UBIAD1: variants seen among roughly 807,000 people sequenced by gnomAD.
UBIAD1 encodes the protein UbiA prenyltransferase domain containing 1.
In UBIAD1, 12 loss-of-function variants were observed where a neutral mutation model predicts 20.1. The ratio of observed to expected loss-of-function variants is 0.60; its 90% CI spans 0.38 to 0.97. The LOEUF (loss-of-function observed/expected upper bound fraction) is 0.97. Among genes scored for constraint, UBIAD1 ranks in the 50% least tolerant of loss-of-function variants. UBIAD1 has a pLI of 0.00. For missense variants in UBIAD1, 333 were observed against 419.5 expected, an observed-to-expected ratio of 0.79 and a Z score of 1.80; for synonymous variants, 207 against 189.2, an observed-to-expected ratio of 1.09 and a Z score of -0.77.
chr1:11,283,295 G>A (rs757855053), intron 1 of UBIAD1, among the ~76,000 whole-genome samples: 9 of 152,198 alleles, frequency 5.9e-5, no homozygotes, highest in Non-Finnish European at 1.2e-4. Context: ...GAGAAAACAA[G>A]CACAGCAAGA....
At chr1:11,276,330 T>A (rs1652025618) in intron 1 of UBIAD1, among the ~76,000 whole-genome samples, 1 of 152,104 alleles carries the variant, frequency 6.6e-6, no homozygotes, top group Non-Finnish European at 1.5e-5. Context: ...CAAAGGTTTT[T>A]TTTTTTCTTG....
At chr1:11,275,713 A>G (rs1651998850) in intron 1 of UBIAD1, among the ~76,000 whole-genome samples, 1 of 152,164 alleles carries the variant, frequency 6.6e-6, no homozygotes, top group Non-Finnish European at 1.5e-5. Context: ...ACTGCACTCC[A>G]GCCTGGGCGA....
chr1:11,278,571 G>A (rs1216747759), intron 1 of UBIAD1: 1 of 1,200,352 alleles, frequency 8.3e-7, no homozygotes, highest in African/African-American at 1.6e-5. Context: ...AACACGAGTA[G>A]AAGGTTGTTG....
intron 1 of UBIAD1, among the ~76,000 whole-genome samples, chr1:11,276,399 C>G (rs974528738): frequency 2.6e-5 from 4 of 151,946 alleles, no homozygotes; most frequent in African/African-American, 7.3e-5. Context: ...TGCTGTGCCT[C>G]ATGCCTGTAA....
At chr1:11,280,785 C>T (rs548752645) in intron 1 of UBIAD1, among the ~76,000 whole-genome samples, 4 of 152,294 alleles carry the variant, frequency 2.6e-5, no homozygotes, top group Non-Finnish European at 2.9e-5. Context: ...TGGATTTTTG[C>T]GGCAGGCTCC....
exon 2 of UBIAD1, chr1:11,295,111 G>C (rs921596419): frequency 1.7e-6 from 1 of 595,330 alleles, no homozygotes; most frequent in Admixed American, 2.8e-5. Flanking sequence ...GCTGTGTGGA[G>C]GGAGAGGAAG....
chr1:11,276,421 C>T (rs746419957), intron 1 of UBIAD1, among the ~76,000 whole-genome samples: 14 of 151,656 alleles, frequency 9.2e-5, no homozygotes, highest in African/African-American at 2.4e-4. Context: ...CTCAGCACTT[C>T]GGGAGGCCAA....
At chr1:11,294,043 T>TAAAC (rs1557523833) in intron 1 of UBIAD1, among the ~76,000 whole-genome samples, 1 of 152,214 alleles carries the variant, frequency 6.6e-6, no homozygotes, top group Non-Finnish European at 1.5e-5. Context: ...TCTAAATAAA[T>TAAAC]AAACGTTGGA....
downstream of UBIAD1, among the ~76,000 whole-genome samples, chr1:11,298,577 TAAA>T (rs1638482258): frequency 6.7e-6 from 1 of 148,578 alleles, no homozygotes; most frequent in Non-Finnish European, 1.5e-5. The surrounding 1 kb of genome is among the most constrained non-coding windows in gnomAD (Gnocchi z 4.0). Flanking sequence ...CAAAAATAAA[TAAA>T]TAAATAAATA....
intron 1 of UBIAD1, among the ~76,000 whole-genome samples, chr1:11,276,455 G>C (rs536007092): frequency 6.6e-6 from 1 of 152,234 alleles, no homozygotes; most frequent in South Asian, 2.1e-4. Flanking sequence ...CTTGAGATCA[G>C]GAGTTCCAGA....
In UBIAD1 at chr1:11,286,359, A is replaced by G; in HGVS notation, c.*228A>G. ...AAACCATTCTTGTATCAGAAGGTGA[A>G]TTAGGCGCATGGTCTTTGTTTTATT... On this transcript the variant is annotated 3_prime_UTR_variant, in exon 2 of 2. Transcript: ENST00000376810. 1.7e-6 allele frequency: 1 copy of G among 598,250 alleles called. No homozygotes were observed. Among genetic ancestry groups the G allele is most frequent in the Non-Finnish European group, 2.9e-6 (1 of 346,596 alleles). The allele number at this position is 598,250 out of a possible 1,614,324, so 37.1% of individuals were successfully genotyped here. A position where few individuals can be genotyped will look rare whatever the true frequency, so the allele number is the denominator to read the frequency against.
downstream of UBIAD1, among the ~76,000 whole-genome samples, chr1:11,291,865 C>T (rs954881842): frequency 3.6e-4 from 55 of 151,536 alleles, no homozygotes; most frequent in South Asian, 4.2e-4. Context: ...AGGCTGTCTT[C>T]GGGAAGACGG....
In UBIAD1 at chr1:11,287,226, T is replaced by G. The variant is rs1638288196; in HGVS notation, c.*1095T>G. 6.6e-6 allele frequency: 1 copy of G among 152,000 alleles called. No homozygotes were observed. Among genetic ancestry groups the G allele is most frequent in the Middle Eastern group, 3.2e-3 (1 of 316 alleles). 9.4% of individuals were successfully genotyped at this position (152,000 alleles called of 1,614,324 possible). On this transcript the variant is annotated 3_prime_UTR_variant, in exon 2 of 2. Coordinates refer to ENST00000376810, the MANE Select transcript of UBIAD1 (RefSeq NM_013319.3). ...AGTCTTGAGCTCTGTTCAGCCAGAGTGATGGGCCCTGCCAGTTAAGGGGCT... is the reference window on the plus strand; with the variant it reads ...AGTCTTGAGCTCTGTTCAGCCAGAGGGATGGGCCCTGCCAGTTAAGGGGCT...
Position 11,285,951 on chromosome 1 carries a change from C to T in UBIAD1, c.837C>T (p.Cys279=), listed in dbSNP as rs201111281. 8.1e-4 allele frequency: 1,305 copies of T among 1,614,126 alleles called. 2 individuals are homozygous for T. Among genetic ancestry groups the T allele is most frequent in the Non-Finnish European group, 1.0e-3 (1,215 of 1,180,050 alleles). The change falls in exon 2 of 2, where the codon TGC becomes TGT. Residue 279 remains cysteine, a synonymous_variant. Transcript: ENST00000376810. The surrounding 1 kb of genome is among the most constrained non-coding windows in gnomAD (Gnocchi z 4.4). ...TCTTCAGCATCCTGGCCACACACTG[C>T]ACCATCAGCCTGGCACTCCCCCTGC... ...YLVFSILATH[C]TISLALPLLT...
At chr1:11,277,519 C>T (rs2101016486) in intron 1 of UBIAD1, among the ~76,000 whole-genome samples, 1 of 152,088 alleles carries the variant, frequency 6.6e-6, no homozygotes, top group Non-Finnish European at 1.5e-5. Context: ...AGTGATCAAC[C>T]CTCCTTGGCC....
In UBIAD1 at chr1:11,285,629, A is replaced by T; in HGVS notation, c.530-15A>T. 1 of 1,613,990 alleles carries T rather than the reference A, an allele frequency of 6.2e-7. No homozygotes were observed. On this transcript the variant is annotated splice_polypyrimidine_tract_variant and intron_variant, in intron 1 of 1. Transcript: ENST00000376810. This position sits in a 1 kb window ranked among gnomAD's most constrained non-coding sequence, Gnocchi z 4.4. Reference sequence around the variant, plus strand: ...CCTTGGTCTCACACCAACTCTCTGGATTTTCTGGCCGCAGGAATTGGATTC... The same window carrying T: ...CCTTGGTCTCACACCAACTCTCTGGTTTTTCTGGCCGCAGGAATTGGATTC...
At chr1:11,276,691 G>A (rs983258695) in intron 1 of UBIAD1, among the ~76,000 whole-genome samples, 1 of 149,454 alleles carries the variant, frequency 6.7e-6, no homozygotes, top group African/African-American at 2.5e-5. Context: ...ACCAACTTTA[G>A]TTTCAAAATT....
chr1:11,284,034 T>C (rs935497355), intron 1 of UBIAD1, among the ~76,000 whole-genome samples: 7 of 152,194 alleles, frequency 4.6e-5, no homozygotes, highest in African/African-American at 7.2e-5. Flanking sequence ...GTGCCAAGTA[T>C]TGGGGAGTGA....
Position 11,286,208 on chromosome 1 carries a change from G to A in UBIAD1, c.*77G>A, listed in dbSNP as rs1192598032. On this transcript the variant is annotated 3_prime_UTR_variant, in exon 2 of 2. Transcript: ENST00000376810. The stretch of plus-strand genomic sequence containing the variant: ...AAGTCAGAGTCTCTGAGGAAGGAAT[G>A]TGATTTGGCAGTCAGGGTACTAAGC... The A allele has an allele frequency of 2.4e-5, 39 of 1,598,090 alleles. No homozygotes were observed. Among genetic ancestry groups the A allele is most frequent in the Non-Finnish European group, 3.1e-5 (36 of 1,169,474 alleles).
Sources: gnomAD v4.1 joint callset for allele counts (sites outside exome capture counted in the v4.1 genomes callset) on GRCh38, gnomAD v4.1.1 for gene constraint, Gnocchi (gnomAD v3.1) non-coding constraint, MANE v1.5 for transcripts, NCBI Gene and HGNC (gene_info 2026-07-23, HGNC 2026-07-21) for gene names.